Variants in UBE2N observed in about 807,000 individuals in gnomAD.
UBE2N encodes ubiquitin conjugating enzyme E2 N.
For missense variants in UBE2N, 60 were observed against 192.1 expected (o/e 0.31, Z 4.07); for synonymous variants, 70 against 69.2 (o/e 1.01, Z -0.06).
Position 93,430,281 on chromosome 12 carries a change from G to C in UBE2N, c.30+11574C>G, listed in dbSNP as rs148887251. On this transcript the variant is annotated intron_variant, in intron 1 of 3. Coordinates refer to ENST00000318066, the MANE Select transcript of UBE2N (RefSeq NM_003348.4). ...AGACTATACAACATAGCCTAGGTGT[G>C]TAGCATGCTACACTATCTAGGTTTG... is the stretch of plus-strand genomic sequence containing the variant. Among the ~76,000 whole-genome samples the C allele has an allele frequency of 1.8e-4, 27 of 152,270 alleles. 1 individual carries two copies. Among genetic ancestry groups the C allele is most frequent in the Middle Eastern group, 3.4e-3 (1 of 294 alleles).
At chr12:93,410,527 A>C in intron 3 of UBE2N, 3 of 685,518 alleles carry the variant, frequency 4.4e-6, no homozygotes, top group Non-Finnish European at 7.2e-6. Context: ...AAGAGACTCC[A>C]AGATCTTTCA....
At chr12:93,427,210 A>G (rs1017378837) in intron 1 of UBE2N, among the ~76,000 whole-genome samples, 1 of 152,156 alleles carries the variant, frequency 6.6e-6, no homozygotes, top group African/African-American at 2.4e-5. Context: ...GTGAGCCACC[A>G]TGCCCAGCCA....
intron 1 of UBE2N, among the ~76,000 whole-genome samples, chr12:93,440,059 A>G (rs1303326101): frequency 6.6e-6 from 1 of 152,232 alleles, no homozygotes; most frequent in Admixed American, 6.5e-5. Context: ...ATTACTGGGC[A>G]TATCTTCATA....
rs765249125 is a variant in UBE2N at position 93,405,741 on chromosome 12, A to G, written c.*4298T>C. The G allele has an allele frequency of 5.3e-5, 8 of 152,212 alleles. No homozygotes were observed. Among genetic ancestry groups the G allele is most frequent in the Non-Finnish European group, 8.8e-5 (6 of 68,036 alleles). 9.4% of individuals were successfully genotyped at this position (152,212 alleles called of 1,614,324 possible). On this transcript the variant is annotated 3_prime_UTR_variant, in exon 4 of 4. Transcript: ENST00000318066. ...ACACTTCTCTCAAATTATTACATTC[A>G]GCATGTTTTGCTTTTTATGTTATTT...
rs562228445 is a variant in UBE2N, at chr12:93,418,251, G to C, written c.31-6952C>G. On this transcript the variant is annotated intron_variant, in intron 1 of 3. Coordinates refer to ENST00000318066, the MANE Select transcript of UBE2N (RefSeq NM_003348.4). The stretch of plus-strand genomic sequence containing the variant: ...GCTGGCATATGACTATAGTCCTAGC[G>C]TACTTGGGAGGTTGAGGTGGGAGTA... Among the ~76,000 whole-genome samples, 19 of 152,174 alleles carry C rather than the reference G, an allele frequency of 1.2e-4. No individual in the cohort carries two copies. In the East Asian group the frequency reaches 3.5e-3, roughly 28 times the overall value.
intron 1 of UBE2N, among the ~76,000 whole-genome samples, chr12:93,439,614 T>C (rs1432521886): frequency 6.6e-6 from 1 of 152,234 alleles, no homozygotes; most frequent in Non-Finnish European, 1.5e-5. Context: ...CAGAAGTTTG[T>C]ATAGTGATTG....
chr12:93,406,600 A>G lies in UBE2N; in HGVS notation c.*3439T>C, dbSNP rs1026867808. 2.6e-5 allele frequency: 4 copies of G among 152,258 alleles called. No homozygotes were observed. The highest frequency in any genetic ancestry group is 9.7e-5 in the African/African-American group (4 of 41,442). 9.4% of individuals were successfully genotyped at this position (152,258 alleles called of 1,614,324 possible). On this transcript the variant is annotated 3_prime_UTR_variant, in exon 4 of 4. Coordinates refer to ENST00000318066, the MANE Select transcript of UBE2N (RefSeq NM_003348.4). ...CTTCCGTGGATTCAAACAACCAGACAAAATATTCCAAAAAACATTGTGTCT... is the reference window on the plus strand; with the variant it reads ...CTTCCGTGGATTCAAACAACCAGACGAAATATTCCAAAAAACATTGTGTCT...
At chr12:93,425,385 A>G (rs1878549846) in intron 1 of UBE2N, among the ~76,000 whole-genome samples, 1 of 152,202 alleles carries the variant, frequency 6.6e-6, no homozygotes, top group Non-Finnish European at 1.5e-5. Flanking sequence ...TTGAAAGTCA[A>G]TTGTCAATTA....
intron 1 of UBE2N, among the ~76,000 whole-genome samples, chr12:93,441,534 A>G (rs565506892): frequency 1.3e-5 from 2 of 151,852 alleles, no homozygotes; most frequent in East Asian, 3.9e-4. Flanking sequence ...GAAGCTATGG[A>G]GGCCCGCGCC....
intron 3 of UBE2N, 100 bp downstream of exon 3, chr12:93,410,634 T>C (rs1878006200): frequency 1.3e-6 from 2 of 1,526,230 alleles, no homozygotes; most frequent in Non-Finnish European, 8.9e-7. Flanking sequence ...ATTATACTTT[T>C]TTCTATTTCT....
rs1879129895 is a variant in UBE2N at position 93,441,900 on chromosome 12, G to C, written c.-16C>G. 1 of 1,575,038 alleles carries C rather than the reference G, an allele frequency of 6.3e-7. No homozygotes were observed. Among genetic ancestry groups the C allele is most frequent in the Non-Finnish European group, 8.6e-7 (1 of 1,163,330 alleles). On this transcript the variant is annotated 5_prime_UTR_variant, in exon 1 of 4. Coordinates refer to ENST00000318066, the MANE Select transcript of UBE2N (RefSeq NM_003348.4). ...GCCCGGCCATCTTGTCAGAACCCGAGTTCGGCCTCTGGTCTCGTCTCCGGC... is the reference window on the plus strand; with the variant it reads ...GCCCGGCCATCTTGTCAGAACCCGACTTCGGCCTCTGGTCTCGTCTCCGGC...
chr12:93,413,285 C>T lies in UBE2N; in HGVS notation c.31-1986G>A, dbSNP rs544231105. ...TTCCTCCTTGTCTGGCAGCAGCTTC[C>T]TTTAGTTTCCTTGTTGGTTTCTTCT... On this transcript the variant is annotated intron_variant, in intron 1 of 3. Transcript: ENST00000318066. Among the ~76,000 whole-genome samples, 45 of 152,296 alleles carry T rather than the reference C, an allele frequency of 3.0e-4. No individual in the cohort carries two copies. In the South Asian group the frequency reaches 9.3e-3, roughly 32 times the overall value.
chr12:93,416,908 T>C (rs1188906867), intron 1 of UBE2N, among the ~76,000 whole-genome samples: 17 of 144,316 alleles, frequency 1.2e-4, no homozygotes, highest in Admixed American at 4.1e-4. Flanking sequence ...AGGAAGGCCA[T>C]AGTTGTTTAC....
chr12:93,411,043 T>C lies in UBE2N; in HGVS notation c.277+10A>G. Reference sequence around the variant, plus strand: ...TAATAATAGCATATGCTGATAAAGATAACACTTACCTTTCAAAATATCTAA... The same window carrying C: ...TAATAATAGCATATGCTGATAAAGACAACACTTACCTTTCAAAATATCTAA... On this transcript the variant is annotated intron_variant, in intron 2 of 3. Coordinates refer to ENST00000318066, the MANE Select transcript of UBE2N (RefSeq NM_003348.4). 2 of 1,614,150 alleles carry C rather than the reference T, an allele frequency of 1.2e-6. No individual in the cohort carries two copies. Among genetic ancestry groups the C allele is most frequent in the South Asian group, 1.1e-5 (1 of 91,092 alleles).
chr12:93,430,985 T>C (rs988724720), intron 1 of UBE2N, among the ~76,000 whole-genome samples: 7 of 149,692 alleles, frequency 4.7e-5, no homozygotes, highest in African/African-American at 9.8e-5. Flanking sequence ...TCCCAGCACT[T>C]TGGGAGGCCA....
chr12:93,410,939 C>G (rs762471157), intron 2 of UBE2N, 65 bp from the exon 3 acceptor site: 2 of 1,613,764 alleles, frequency 1.2e-6, no homozygotes, highest in Non-Finnish European at 1.7e-6. Context: ...TGCTTCACTT[C>G]CCTCCCACAG....
At chr12:93,425,577 C>A (rs1274515600) in intron 1 of UBE2N, among the ~76,000 whole-genome samples, 1 of 152,142 alleles carries the variant, frequency 6.6e-6, no homozygotes, top group Non-Finnish European at 1.5e-5. Context: ...ATGAACAGAT[C>A]AACTGCAGAA....
chr12:93,440,080 G>C (rs933715447), intron 1 of UBE2N, among the ~76,000 whole-genome samples: 3 of 152,092 alleles, frequency 2.0e-5, no homozygotes, highest in African/African-American at 7.2e-5. Flanking sequence ...ATCAAAAATA[G>C]AAAAATGCGT....
At chr12:93,429,346 T>C (rs1288766138) in intron 1 of UBE2N, 7 of 414,060 alleles carry the variant, frequency 1.7e-5, no homozygotes, top group African/African-American at 1.5e-4. Flanking sequence ...TCTAACATAT[T>C]TTTAGACTTA....
Sources: allele counts gnomAD v4.1 joint callset (sites outside exome capture counted in the v4.1 genomes callset), GRCh38; gene constraint gnomAD v4.1.1; transcripts MANE v1.5; gene names NCBI Gene and HGNC (gene_info 2026-07-23, HGNC 2026-07-21).